Variants in DIPK2B observed in about 807,000 individuals in gnomAD.
The protein encoded by DIPK2B is divergent protein kinase domain 2B.
In DIPK2B, 15 loss-of-function variants were observed where a neutral mutation model predicts 22.2. The observed-to-expected ratio is 0.68, with a 90% CI of 0.45 to 1.04. The LOEUF (loss-of-function observed/expected upper bound fraction) is 1.04, where lower values mean the gene tolerates loss of function less well. Ranked by LOEUF, DIPK2B falls within the 50% of genes least tolerant of loss-of-function variation. DIPK2B has a pLI of 0.00. For synonymous variants in DIPK2B, 163 were observed against 153.2 expected (o/e 1.06, Z -0.47); for missense variants, 345 against 348.3 (o/e 0.99, Z 0.08).
intron 2 of DIPK2B, among the ~76,000 whole-genome samples, chrX:45,176,933 T>C (rs1339502765): frequency 9.0e-6 from 1 of 111,660 alleles, no homozygotes; most frequent in Non-Finnish European, 1.9e-5. Context: ...GGTAGACATT[T>C]CTGGTATCAA....
intron 2 of DIPK2B, among the ~76,000 whole-genome samples, chrX:45,185,838 G>A (rs1336082221): frequency 4.6e-5 from 5 of 109,574 alleles, no homozygotes; most frequent in African/African-American, 1.7e-4. Flanking sequence ...ATTTTTAGTA[G>A]AGACAGAGTT....
Position 45,151,742 on chromosome X carries a change from G to T in DIPK2B, c.1212C>A (p.Ser404Arg). 8.3e-7 allele frequency: 1 copy of T among 1,211,862 alleles called. No homozygotes were observed. The highest frequency in any genetic ancestry group is 1.1e-6 in the Non-Finnish European group (1 of 895,484). The change falls in exon 5 of 5, where the codon AGC becomes AGA. Residue 404 changes from serine (S) to arginine (R), a missense_variant. By Grantham distance (110) the Ser-to-Arg change is moderately radical. Transcript: ENST00000398000. ...GGGGCCTCAAGATGTCTTTCAGCTG[G>T]CTGGCGGCCCCAAGGACTTCTGGGT... ...RPDPEVLGAA[S>R]QLKDILRPLR...
In DIPK2B at chrX:45,158,085, C is replaced by T. The variant is rs777352220; in HGVS notation, c.499-197G>A. 4.5e-3 allele frequency among the ~76,000 whole-genome samples: 449 copies of T among 100,434 alleles called. 4 individuals carry two copies. Among genetic ancestry groups the T allele is most frequent in the Non-Finnish European group, 7.2e-3 (353 of 49,161 alleles). The allele number at this position is 100,434 out of a possible 115,157, so 87.2% of individuals were successfully genotyped here. ...GGGTGGGAGGGGTTGGGTAGCTCTG[C>T]CCAGGCGGAGCAGGGGGCAGACCCC... On this transcript the variant is annotated intron_variant, in intron 2 of 4. Transcript: ENST00000398000.
In DIPK2B at chrX:45,179,888, C is replaced by T. The variant is rs190132935; in HGVS notation, c.498+11863G>A. Among the ~76,000 whole-genome samples, 1,021 of 111,396 alleles carry T rather than the reference C, an allele frequency of 9.2e-3. 13 individuals carry two copies. Among genetic ancestry groups the T allele is most frequent in the African/African-American group, 0.031 (962 of 30,703 alleles). On this transcript the variant is annotated intron_variant, in intron 2 of 4. Transcript: ENST00000398000. ...CAGAAAAAGCATTTTATAAAATTTA[C>T]GAAAAAAATTCTCAATAAACTAGAG...
At chrX:45,159,563 G>A (rs2047012179) in intron 2 of DIPK2B, among the ~76,000 whole-genome samples, 2 of 111,592 alleles carry the variant, frequency 1.8e-5, no homozygotes, top group South Asian at 7.6e-4. Flanking sequence ...CCTGCAGTTA[G>A]CACCAGACTG....
intron 2 of DIPK2B, among the ~76,000 whole-genome samples, chrX:45,190,849 G>T (rs768892103): frequency 8.9e-6 from 1 of 112,384 alleles, no homozygotes; most frequent in Non-Finnish European, 1.9e-5. Context: ...TAGGCCCCCT[G>T]GGATAATCTC....
chrX:45,154,267 C>T (rs1213528661), intron 3 of DIPK2B, 69 bp from the exon 4 acceptor site: 2 of 916,476 alleles, frequency 2.2e-6, no homozygotes, highest in African/African-American at 4.4e-5. Context: ...TCTATTATCT[C>T]TATCTATCTC....
chrX:45,183,422 C>G lies in DIPK2B; in HGVS notation c.498+8329G>C, dbSNP rs182669460. 5.3e-4 allele frequency: 59 copies of G among 111,968 alleles called. 1 individual carries two copies. Among genetic ancestry groups the G allele is most frequent in the Middle Eastern group, 4.6e-3 (1 of 217 alleles). The allele number at this position is 111,968 out of a possible 1,213,427, so 9.2% of individuals were successfully genotyped here. On this transcript the variant is annotated intron_variant, in intron 2 of 4. Transcript: ENST00000398000. Reference sequence around the variant, plus strand: ...AACCATGGGCAGTGAATGCAGAGAACAGAAAAGGCATGAAAATCCATTTCT... The same window carrying G: ...AACCATGGGCAGTGAATGCAGAGAAGAGAAAAGGCATGAAAATCCATTTCT...
chrX:45,171,777 G>A (rs2047083315), intron 2 of DIPK2B, among the ~76,000 whole-genome samples: 1 of 112,780 alleles, frequency 8.9e-6, no homozygotes, highest in African/African-American at 3.2e-5. Flanking sequence ...TAGGCCTTGT[G>A]CTATGCACAT....
chrX:45,151,268 A>G lies in DIPK2B; in HGVS notation c.*384T>C. ...CCCCGCCTCTGTGCTTTTCCAGAAC[A>G]CACTTTGTAACCACCTGGGATGGAG... On this transcript the variant is annotated 3_prime_UTR_variant, in exon 5 of 5. Transcript: ENST00000398000. 6.7e-6 allele frequency: 1 copy of G among 148,272 alleles called. No individual in the cohort carries two copies. 12.2% of individuals were successfully genotyped at this position (148,272 alleles called of 1,213,427 possible). A position where few individuals can be genotyped will look rare whatever the true frequency, so the allele number is the denominator to read the frequency against.
intron 3 of DIPK2B, among the ~76,000 whole-genome samples, chrX:45,156,488 A>G (rs2046996609): frequency 8.9e-6 from 1 of 112,056 alleles, no homozygotes; most frequent in Non-Finnish European, 1.9e-5. Context: ...GATCTGTGAG[A>G]GTGCAGGACA....
chrX:45,153,479 T>TGTGA (rs2046971844), intron 4 of DIPK2B, among the ~76,000 whole-genome samples: 1 of 89,405 alleles, frequency 1.1e-5, no homozygotes. Context: ...AAGTTTTGTG[T>TGTGA]GTGTGTGTGT....
At chrX:45,197,734 G>A (rs1347205439) in intron 1 of DIPK2B, among the ~76,000 whole-genome samples, 2 of 111,914 alleles carry the variant, frequency 1.8e-5, no homozygotes, top group Admixed American at 9.5e-5. Context: ...ATATTTGTAA[G>A]TGTGCAAGAA....
chrX:45,184,889 C>T (rs1486122040), intron 2 of DIPK2B, among the ~76,000 whole-genome samples: 2 of 111,588 alleles, frequency 1.8e-5, no homozygotes, highest in African/African-American at 6.5e-5. Context: ...ATTATTTGCT[C>T]TGTGGCTCAA....
At chrX:45,187,315 C>T (rs1444315656) in intron 2 of DIPK2B, among the ~76,000 whole-genome samples, 1 of 112,370 alleles carries the variant, frequency 8.9e-6, no homozygotes, top group African/African-American at 3.2e-5. Flanking sequence ...AGCACCTTAT[C>T]ATAAACTCTG....
chrX:45,168,402 CCACAT>C (rs1485683309), intron 2 of DIPK2B, among the ~76,000 whole-genome samples: 1 of 112,468 alleles, frequency 8.9e-6, no homozygotes, highest in East Asian at 2.8e-4. Flanking sequence ...GATGTTAAAA[CCACAT>C]AAAACAGAGT....
chrX:45,154,049 G>A lies in DIPK2B; in HGVS notation c.822C>T (p.Val274=). 8.3e-7 allele frequency: 1 copy of A among 1,211,365 alleles called. No homozygotes were observed. Among genetic ancestry groups the A allele is most frequent in the Non-Finnish European group, 1.1e-6 (1 of 895,388 alleles). ...AATCGTTGCTCCTCAAAGACTCCAG[G>A]ACACCCAGGAGCTGGTAGGCAAGGT... ...AADLAYQLLG[V]LESLRSNDLN... is the part of the protein sequence containing the mutation. Residue 274 remains valine, a synonymous_variant, in exon 4 of 5, where the codon GTC becomes GTT. Transcript: ENST00000398000.
intron 2 of DIPK2B, chrX:45,163,989 G>C: frequency 1.0e-6 from 1 of 967,691 alleles, no homozygotes; most frequent in Non-Finnish European, 1.3e-6. Context: ...TGTCATCAGA[G>C]AATATTGTGC....
At chrX:45,168,818 G>C (rs886163270) in intron 2 of DIPK2B, among the ~76,000 whole-genome samples, 26 of 111,860 alleles carry the variant, frequency 2.3e-4, no homozygotes, top group African/African-American at 7.5e-4. Context: ...CTGGATGGAT[G>C]GACAGCCTTC....
Sources: gnomAD v4.1 joint callset for allele counts (sites outside exome capture counted in the v4.1 genomes callset) on GRCh38, gnomAD v4.1.1 for gene constraint, MANE v1.5 for transcripts, NCBI Gene and HGNC (gene_info 2026-07-23, HGNC 2026-07-21) for gene names.